Variants in ANO10 observed in about 807,000 individuals in gnomAD.
The protein encoded by ANO10 is anoctamin-10.
Under a neutral mutation model 74.7 loss-of-function variants are expected in ANO10, and 77 were observed. That is an observed-to-expected ratio of 1.03 (90% CI 0.86 to 1.25). ANO10 has a LOEUF of 1.25. Ranked by LOEUF, ANO10 falls within the 50% of genes most tolerant of loss-of-function variation. The probability of loss-of-function intolerance (pLI) is 0.00; values close to 1 mark genes in which losing one functional copy is unlikely to be tolerated. For missense variants in ANO10, 721 were observed against 778.1 expected (o/e 0.93, Z 0.87); for synonymous variants, 279 against 284.9 (o/e 0.98, Z 0.21).
At chr3:43,490,434 T>C (rs2076675610) in intron 11 of ANO10, among the ~76,000 whole-genome samples, 1 of 152,130 alleles carries the variant, frequency 6.6e-6, no homozygotes, top group Non-Finnish European at 1.5e-5. Flanking sequence ...AGAAAAGTAT[T>C]TTAGAGGACT....
At chr3:43,465,762 A>G (rs2075585036) in intron 11 of ANO10, among the ~76,000 whole-genome samples, 2 of 152,256 alleles carry the variant, frequency 1.3e-5, no homozygotes, top group South Asian at 4.1e-4. Context: ...AAAATTGGAA[A>G]TGGATATTTA....
At chr3:43,412,348 C>T (rs1001999490) in intron 12 of ANO10, among the ~76,000 whole-genome samples, 2 of 152,002 alleles carry the variant, frequency 1.3e-5, no homozygotes, top group Non-Finnish European at 2.9e-5. Context: ...CCGATGCAGT[C>T]GGTTTTAGGA....
intron 10 of ANO10, among the ~76,000 whole-genome samples, chr3:43,552,377 C>CA (rs1354261539): frequency 6.6e-6 from 1 of 150,944 alleles, no homozygotes; most frequent in African/African-American, 2.4e-5. Flanking sequence ...CCCATGCCTA[C>CA]AAAAAATAAA....
chr3:43,378,709 C>T (rs1289923784), intron 12 of ANO10, among the ~76,000 whole-genome samples: 1 of 152,128 alleles, frequency 6.6e-6, no homozygotes, highest in East Asian at 1.9e-4. Context: ...AGAAGGGCTA[C>T]CCCTGGGTGA....
At chr3:43,513,519 T>C (rs1388381099) in intron 11 of ANO10, among the ~76,000 whole-genome samples, 4 of 152,094 alleles carry the variant, frequency 2.6e-5, no homozygotes. Flanking sequence ...ATGAATTTTT[T>C]TTTCTTTTGA....
intron 12 of ANO10, among the ~76,000 whole-genome samples, chr3:43,367,267 A>G (rs1268202937): frequency 6.6e-6 from 1 of 152,218 alleles, no homozygotes; most frequent in African/African-American, 2.4e-5. Flanking sequence ...GATGAGGGGA[A>G]TAGGCGGACA....
chr3:43,528,795 C>A (rs1404428397), intron 11 of ANO10, among the ~76,000 whole-genome samples: 3 of 151,648 alleles, frequency 2.0e-5, no homozygotes, highest in Non-Finnish European at 4.4e-5. Context: ...CCCATCTCTA[C>A]AAAAAATACA....
intron 11 of ANO10, among the ~76,000 whole-genome samples, chr3:43,527,614 T>C (rs949260461): frequency 1.3e-5 from 2 of 151,996 alleles, no homozygotes; most frequent in Non-Finnish European, 2.9e-5. Context: ...CAACATTAAC[T>C]AGGAGATAAG....
intron 1 of ANO10, among the ~76,000 whole-genome samples, chr3:43,679,081 C>T (rs1466814875): frequency 2.6e-5 from 4 of 152,096 alleles, no homozygotes; most frequent in Admixed American, 6.5e-5. Flanking sequence ...TGGGGAGTGT[C>T]GGACAGTGGG....
intron 1 of ANO10, among the ~76,000 whole-genome samples, chr3:43,646,009 T>C (rs1039123771): frequency 4.6e-5 from 7 of 152,118 alleles, no homozygotes; most frequent in African/African-American, 1.7e-4. Context: ...GGTTTTGCCA[T>C]GTTGCCCAGG....
intron 1 of ANO10, among the ~76,000 whole-genome samples, chr3:43,676,780 TATAA>T (rs2084128004): frequency 6.6e-6 from 1 of 152,038 alleles, no homozygotes; most frequent in Admixed American, 6.5e-5. Flanking sequence ...ATTCTCTCAA[TATAA>T]ATAGTCTAAA....
At chr3:43,565,852 C>T (rs2080295590) in intron 7 of ANO10, 125 bp from the exon 8 acceptor site, 1 of 958,354 alleles carries the variant, frequency 1.0e-6, no homozygotes, top group Admixed American at 2.3e-5. Context: ...CGAATAGGAA[C>T]AGCTCCAGTC....
chr3:43,384,227 T>C (rs1403223458), intron 12 of ANO10, among the ~76,000 whole-genome samples: 2 of 144,756 alleles, frequency 1.4e-5, no homozygotes, highest in Admixed American at 6.9e-5. Context: ...ACCAAGGAGG[T>C]GAAAGACCTC....
intron 1 of ANO10, among the ~76,000 whole-genome samples, chr3:43,655,854 G>C (rs1194635580): frequency 1.3e-5 from 1 of 79,454 alleles, no homozygotes; most frequent in East Asian, 4.2e-4. Flanking sequence ...GGTTCTCCAC[G>C]TCCCCACCAG....
chr3:43,466,772 T>C (rs1167750670), intron 11 of ANO10, among the ~76,000 whole-genome samples: 1 of 152,100 alleles, frequency 6.6e-6, no homozygotes, highest in East Asian at 1.9e-4. Flanking sequence ...TTACCAAAAA[T>C]TAAAAATTTG....
intron 11 of ANO10, 31 bp downstream of exon 11, chr3:43,549,689 C>T (rs1363402048): frequency 6.2e-7 from 1 of 1,612,396 alleles, no homozygotes; most frequent in Non-Finnish European, 8.5e-7. Flanking sequence ...AATATGGATA[C>T]TGCTTAAAAT....
intron 1 of ANO10, among the ~76,000 whole-genome samples, chr3:43,611,297 G>A (rs2082808219): frequency 6.6e-6 from 1 of 152,150 alleles, no homozygotes; most frequent in African/African-American, 2.4e-5. Flanking sequence ...GAAGGGAGTT[G>A]AGCCACCTAC....
chr3:43,432,566 C>A, intron 12 of ANO10, 45 bp downstream of exon 12: 1 of 1,427,234 alleles, frequency 7.0e-7, no homozygotes, highest in East Asian at 2.3e-5. Context: ...TTTTTCCTGT[C>A]ATTTGCTAAA....
At chr3:43,577,359 C>CA in intron 5 of ANO10, 98 bp from the exon 6 acceptor site, 1 of 1,186,334 alleles carries the variant, frequency 8.4e-7, no homozygotes. Flanking sequence ...AAGTGGGGAT[C>CA]ATTCAACCCT....
Sources: gnomAD v4.1 joint callset for allele counts (sites outside exome capture counted in the v4.1 genomes callset) on GRCh38, gnomAD v4.1.1 for gene constraint, MANE v1.5 for transcripts, NCBI Gene and HGNC (gene_info 2026-07-23, HGNC 2026-07-21) for gene names.